Variants in SFTPA2 observed in about 807,000 individuals in gnomAD.
SFTPA2 encodes the protein pulmonary surfactant-associated protein A2.
A neutral mutation model predicts 20.3 loss-of-function variants in SFTPA2; 21 were observed. The observed-to-expected ratio is 1.03, with a 90% CI of 0.73 to 1.49. The LOEUF is 1.49. Among genes scored for constraint, SFTPA2 ranks in the 40% most tolerant of loss-of-function variants. The pLI is 0.00. For synonymous variants in SFTPA2, 116 were observed against 118.7 expected (o/e 0.98, Z 0.15); for missense variants, 302 against 314.8 (o/e 0.96, Z 0.31).
Position 79,557,835 on chromosome 10 carries a change from A to G in SFTPA2, c.370+217T>C, listed in dbSNP as rs1310598912. Among the ~76,000 whole-genome samples the G allele has an allele frequency of 5.2e-5, 8 of 152,382 alleles. No homozygotes were observed. In the South Asian group the frequency reaches 1.2e-3, roughly 24 times the overall value. ...TTCCTAGGATTCAGTGGAAAGCAAG[A>G]CAGGCAGAGAACTTGCTTTCTTATG... On this transcript the variant is annotated intron_variant, in intron 5 of 5. Transcript: ENST00000372325.
At chr10:79,559,232 A>G (rs1414365172) in intron 3 of SFTPA2, 80 bp downstream of exon 3, 6 of 1,597,926 alleles carry the variant, frequency 3.8e-6, no homozygotes, top group Middle Eastern at 2.1e-4. Flanking sequence ...TATGGCCCAC[A>G]GCCTAGGGGC....
chr10:79,557,014 C>G lies in SFTPA2; in HGVS notation c.*195G>C. On this transcript the variant is annotated 3_prime_UTR_variant, in exon 6 of 6. Transcript: ENST00000372325. ...CTGGGATGGTTTGCAAGGGGAGTGT[C>G]AAGGCTGGTCAGTGATTATGGGGAA... 2 of 969,322 alleles carry G rather than the reference C, an allele frequency of 2.1e-6. No homozygotes were observed. Among genetic ancestry groups the G allele is most frequent in the Admixed American group, 2.4e-5 (1 of 41,352 alleles). 60.0% of individuals were successfully genotyped at this position (969,322 alleles called of 1,614,324 possible).
Position 79,557,218 on chromosome 10 carries a change from A to T in SFTPA2, c.738T>A (p.Cys246Ter). The T allele has an allele frequency of 6.2e-7, 1 of 1,614,176 alleles. No individual in the cohort carries two copies. Among genetic ancestry groups the T allele is most frequent in the South Asian group, 1.1e-5 (1 of 91,080 alleles). ...RNCLYSRLTICEF is the reference protein window; with the variant it reads ...RNCLYSRLTI ...ATGGCCTAAATGCCTCTCAGAACTC[A>T]CAGATGGTCAGTCGGGAGTACAGGC... The change falls in exon 6 of 6, where the codon TGT (cysteine) becomes TGA (stop). Residue 246 changes from cysteine (C) to a stop codon, truncating the protein, a stop_gained. Transcript: ENST00000372325. LOFTEE classifies it high-confidence loss of function.
chr10:79,559,255 G>T (rs915968896), intron 3 of SFTPA2, 57 bp downstream of exon 3: 1 of 1,611,134 alleles, frequency 6.2e-7, no homozygotes, highest in Non-Finnish European at 8.5e-7. Context: ...GGACAGATGG[G>T]CCTCCTGAAA....
intron 3 of SFTPA2, 28 bp downstream of exon 3, chr10:79,559,284 G>A: frequency 6.2e-7 from 1 of 1,613,430 alleles, no homozygotes; most frequent in Non-Finnish European, 8.5e-7. Flanking sequence ...GTGTCCCTCA[G>A]CTGAGGGTGG....
chr10:79,559,738 G>A (rs1427253965), intron 2 of SFTPA2: 1 of 1,540,094 alleles, frequency 6.5e-7, no homozygotes, highest in Non-Finnish European at 8.8e-7. Context: ...CTGCTGAGGA[G>A]GAGGAAGAGT....
chr10:79,560,058 G>T (rs190455897), intron 1 of SFTPA2, 60 bp from the exon 2 acceptor site: 51 of 1,054,678 alleles, frequency 4.8e-5, no homozygotes, highest in Middle Eastern at 3.8e-4. Context: ...TGATCATCGG[G>T]GGGTGATGAC....
rs1261136192 is a variant in SFTPA2 at position 79,556,591 on chromosome 10, T to C, written c.*618A>G. 2 of 159,028 alleles carry C rather than the reference T, an allele frequency of 1.3e-5. No homozygotes were observed. The highest frequency in any genetic ancestry group is 4.8e-5 in the African/African-American group (2 of 41,510). 9.9% of individuals were successfully genotyped at this position (159,028 alleles called of 1,614,324 possible). A position where few individuals can be genotyped will look rare whatever the true frequency, so the allele number is the denominator to read the frequency against. ...CAAAGGAGTGAATCGTACATGTCAG[T>C]CACAGGGTTGGCTTGGGCACCACCG... On this transcript the variant is annotated 3_prime_UTR_variant, in exon 6 of 6. Transcript: ENST00000372325.
Position 79,558,994 on chromosome 10 carries a change from G to T in SFTPA2, c.184C>A (p.Pro62Thr). 1 of 1,614,124 alleles carries T rather than the reference G, an allele frequency of 6.2e-7. No individual in the cohort carries two copies. The highest frequency in any genetic ancestry group is 1.6e-4 in the Middle Eastern group (1 of 6,062). Residue 62 changes from proline (P) to threonine (T), a missense_variant, in exon 4 of 6, where the codon CCG becomes ACG. Transcript: ENST00000372325. ...GGAGGACATGGTGTTTCTCCAGGCG[G>T]ACCCATGGGGCCTGCAGAGAAAAGA... ...GDPGPPGPMG[P>T]PGETPCPPGN...
intron 4 of SFTPA2, among the ~76,000 whole-genome samples, 196 bp downstream of exon 4, chr10:79,558,690 C>T (rs554500617): frequency 6.6e-6 from 1 of 152,318 alleles, no homozygotes; most frequent in East Asian, 1.9e-4. Flanking sequence ...ACTTCCCACA[C>T]CTGCCCTTCT....
In SFTPA2 at chr10:79,555,887, A is replaced by T. The variant is rs1281972722; in HGVS notation, c.*1322T>A. The T allele has an allele frequency of 1.3e-5, 2 of 152,256 alleles. No individual in the cohort carries two copies. Among genetic ancestry groups the T allele is most frequent in the East Asian group, 1.9e-4 (1 of 5,196 alleles). The allele number at this position is 152,256 out of a possible 1,614,324, so 9.4% of individuals were successfully genotyped here. On this transcript the variant is annotated 3_prime_UTR_variant, in exon 6 of 6. Coordinates refer to ENST00000372325, the MANE Select transcript of SFTPA2 (RefSeq NM_001098668.4). ...CATGTGAACACACTAACGATTTATTATGCTTAAATCATCTTTATTCAGCTC... is the reference window on the plus strand; with the variant it reads ...CATGTGAACACACTAACGATTTATTTTGCTTAAATCATCTTTATTCAGCTC...
Position 79,556,067 on chromosome 10 carries a change from T to G in SFTPA2, c.*1142A>C, listed in dbSNP as rs1291024324. The G allele has an allele frequency of 6.2e-6, 1 of 161,380 alleles. No individual in the cohort carries two copies. Among genetic ancestry groups the G allele is most frequent in the Non-Finnish European group, 1.5e-5 (1 of 68,094 alleles). 10.0% of individuals were successfully genotyped at this position (161,380 alleles called of 1,614,324 possible). ...AATTGGGTAAACAATACTGGTCCCG[T>G]GACATTGTGTAAAGATTGAATAGTA... On this transcript the variant is annotated 3_prime_UTR_variant, in exon 6 of 6. Coordinates refer to ENST00000372325, the MANE Select transcript of SFTPA2 (RefSeq NM_001098668.4).
Position 79,556,348 on chromosome 10 carries a change from T to C in SFTPA2, c.*861A>G, listed in dbSNP as rs544817411. On this transcript the variant is annotated 3_prime_UTR_variant, in exon 6 of 6. Coordinates refer to ENST00000372325, the MANE Select transcript of SFTPA2 (RefSeq NM_001098668.4). ...GACACATCCTAAGACCTGGCACATGTTAATTTTAATGATTATCTGGGTGAA... is the reference window on the plus strand; with the variant it reads ...GACACATCCTAAGACCTGGCACATGCTAATTTTAATGATTATCTGGGTGAA... 6.0e-6 allele frequency: 1 copy of C among 166,848 alleles called. No homozygotes were observed. Among genetic ancestry groups the C allele is most frequent in the South Asian group, 2.1e-4 (1 of 4,854 alleles). 10.3% of individuals were successfully genotyped at this position (166,848 alleles called of 1,614,324 possible). A position where few individuals can be genotyped will look rare whatever the true frequency, so the allele number is the denominator to read the frequency against.
rs1301782931 is a variant in SFTPA2, at chr10:79,556,544, G to C, written c.*665C>G. 1 of 153,748 alleles carries C rather than the reference G, an allele frequency of 6.5e-6. No homozygotes were observed. The highest frequency in any genetic ancestry group is 2.1e-4 in the South Asian group (1 of 4,862). The allele number at this position is 153,748 out of a possible 1,614,324, so 9.5% of individuals were successfully genotyped here. ...TGGCCGGCTGCCTCCAGGTCAGGGG[G>C]CTGAGTTGGCATCCAAAGACTCAAA... On this transcript the variant is annotated 3_prime_UTR_variant, in exon 6 of 6. Coordinates refer to ENST00000372325, the MANE Select transcript of SFTPA2 (RefSeq NM_001098668.4).
Position 79,557,975 on chromosome 10 carries a change from A to G in SFTPA2, c.370+77T>C, listed in dbSNP as rs571292022. ...ATGTGCACGCTTGTTTGTCATCTCTATTCTAGAAGGTGGTGCTGAGAATGA... is the reference window on the plus strand; with the variant it reads ...ATGTGCACGCTTGTTTGTCATCTCTGTTCTAGAAGGTGGTGCTGAGAATGA... On this transcript the variant is annotated intron_variant, in intron 5 of 5. Coordinates refer to ENST00000372325, the MANE Select transcript of SFTPA2 (RefSeq NM_001098668.4). The G allele has an allele frequency of 7.5e-4, 1,193 of 1,601,208 alleles. 1 individual carries two copies. Among genetic ancestry groups the G allele is most frequent in the Non-Finnish European group, 9.8e-4 (1,150 of 1,168,838 alleles).
Position 79,557,111 on chromosome 10 carries a change from T to C in SFTPA2, c.*98A>G. The C allele has an allele frequency of 6.2e-7, 1 of 1,602,918 alleles. No individual in the cohort carries two copies. Among genetic ancestry groups the C allele is most frequent in the Non-Finnish European group, 8.5e-7 (1 of 1,172,568 alleles). ...CTCTAATAGCCACAAGTGAATTCTG[T>C]TGAAAGGGAGTTCTAGCATCTCACA... On this transcript the variant is annotated 3_prime_UTR_variant, in exon 6 of 6. Transcript: ENST00000372325.
At chr10:79,558,818 C>G in intron 4 of SFTPA2, 68 bp downstream of exon 4, 1 of 1,611,152 alleles carries the variant, frequency 6.2e-7, no homozygotes, top group Non-Finnish European at 8.5e-7. Context: ...ACCCCCATCA[C>G]CCCTGTGTAA....
Position 79,559,382 on chromosome 10 carries a change from G to T in SFTPA2, c.102C>A (p.Gly34=). The T allele has an allele frequency of 6.2e-7, 1 of 1,613,788 alleles. No individual in the cohort carries two copies. The highest frequency in any genetic ancestry group is 1.1e-5 in the South Asian group (1 of 91,062). Residue 34 remains glycine, a synonymous_variant, in exon 3 of 6, where the codon GGC becomes GGA. Transcript: ENST00000372325. ...DVCVGSPGIP[G]TPGSHGLPGR... is the part of the protein sequence containing the mutation. ...CTGGCAGGCCGTGGGATCCAGGAGT[G>T]CCGGGGATACCAGGGCTTCCAACAC...
At chr10:79,557,776 A>T (rs1187347443) in intron 5 of SFTPA2, among the ~76,000 whole-genome samples, 191 bp from the exon 6 acceptor site, 2 of 152,188 alleles carry the variant, frequency 1.3e-5, no homozygotes, top group African/African-American at 4.8e-5. Flanking sequence ...CATTCATCTA[A>T]GTAACAATTA....
Sources: allele counts gnomAD v4.1 joint callset (sites outside exome capture counted in the v4.1 genomes callset), GRCh38; gene constraint gnomAD v4.1.1; transcripts MANE v1.5; gene names NCBI Gene and HGNC (gene_info 2026-07-23, HGNC 2026-07-21).